Variants in ATR observed in about 807,000 individuals in gnomAD.
ATR encodes the protein ATR checkpoint kinase.
In ATR, 142 loss-of-function variants were observed where a neutral mutation model predicts 305.3. The ratio of observed to expected loss-of-function variants is 0.47; its 90% CI spans 0.41 to 0.53. The LOEUF is 0.53. Ranked by LOEUF, ATR falls within the 20% of genes least tolerant of loss-of-function variation. The pLI is 0.00. For synonymous variants in ATR, 1,050 were observed against 1,068.1 expected (o/e 0.98, Z 0.33); for missense variants, 2,135 against 3,133.1 (o/e 0.68, Z 7.60).
intron 34 of ATR, among the ~76,000 whole-genome samples, chr3:142,495,768 T>TA (rs1213489285): frequency 1.3e-5 from 2 of 151,624 alleles, no homozygotes; most frequent in Non-Finnish European, 2.9e-5. Context: ...AATAAATAAA[T>TA]AAAAATAAAA....
chr3:142,458,637 T>G (rs1274231881), intron 44 of ATR, among the ~76,000 whole-genome samples: 2 of 152,176 alleles, frequency 1.3e-5, no homozygotes, highest in Non-Finnish European at 2.9e-5. Context: ...ATTAAACTAC[T>G]CTGTCTCTCT....
intron 24 of ATR, among the ~76,000 whole-genome samples, chr3:142,518,506 G>A (rs531279414): frequency 1.3e-5 from 2 of 152,306 alleles, no homozygotes; most frequent in South Asian, 4.2e-4. Context: ...AACAGAGTGA[G>A]ACTCTGTCTC....
intron 34 of ATR, 23 bp downstream of exon 34, chr3:142,496,338 G>GTATATATATATACATGTAT (rs2031643516): frequency 1.2e-6 from 1 of 837,022 alleles, no homozygotes; most frequent in African/African-American, 2.6e-5. Flanking sequence ...ATATATATAT[G>GTATATATATATACATGTAT]ATGACATTTC....
intron 46 of ATR, 89 bp downstream of exon 46, chr3:142,453,039 A>G (rs2070827152): frequency 1.3e-6 from 2 of 1,585,230 alleles, no homozygotes; most frequent in African/African-American, 2.7e-5. Flanking sequence ...AGCAGTTCTC[A>G]TGCATAGAGA....
chr3:142,503,314 C>T, intron 30 of ATR, 48 bp downstream of exon 30: 1 of 1,326,758 alleles, frequency 7.5e-7, no homozygotes, highest in East Asian at 2.3e-5. Context: ...ACTAAAAATT[C>T]TCCATTCAGA....
intron 41 of ATR, among the ~76,000 whole-genome samples, chr3:142,463,553 T>C (rs1386317978): frequency 1.3e-5 from 2 of 152,148 alleles, no homozygotes; most frequent in Admixed American, 1.3e-4. Flanking sequence ...TACACCACCA[T>C]GCCTGGCTAA....
At chr3:142,508,303 C>T (rs561180798) in intron 27 of ATR, among the ~76,000 whole-genome samples, 194 bp from the exon 28 acceptor site, 1 of 152,178 alleles carries the variant, frequency 6.6e-6, no homozygotes, top group South Asian at 2.1e-4. Context: ...TATAACTTAC[C>T]TTTCTTTGGA....
At chr3:142,523,880 G>T in intron 22 of ATR, 113 bp downstream of exon 22, 2 of 1,109,702 alleles carry the variant, frequency 1.8e-6, no homozygotes, top group Non-Finnish European at 2.5e-6. Context: ...CTGATTGTCT[G>T]GTTCTAGGTG....
At chr3:142,498,907 G>A (rs1218392061) in intron 31 of ATR, 133 bp from the exon 32 acceptor site, 6 of 856,128 alleles carry the variant, frequency 7.0e-6, no homozygotes, top group African/African-American at 1.7e-5. Flanking sequence ...TTGAGACAGA[G>A]TCTCACTCTG....
rs369361668 is a variant in ATR at position 142,452,280 on chromosome 3, A to G, written c.7761+848T>C. 62 of 992,992 alleles carry G rather than the reference A, an allele frequency of 6.2e-5. No individual in the cohort carries two copies. The South Asian group carries it at 2.5e-3, about 40-fold the overall frequency. The allele number at this position is 992,992 out of a possible 1,614,324, so 61.5% of individuals were successfully genotyped here. A position where few individuals can be genotyped will look rare whatever the true frequency, so the allele number is the denominator to read the frequency against. On this transcript the variant is annotated intron_variant, in intron 46 of 46. Coordinates refer to ENST00000350721, the MANE Select transcript of ATR (RefSeq NM_001184.4). Reference sequence around the variant, plus strand: ...TAATCTTTATTAGCATATAGTTGGTATAATTCATTGTATTTAGTAAGCCTG... The same window carrying G: ...TAATCTTTATTAGCATATAGTTGGTGTAATTCATTGTATTTAGTAAGCCTG...
intron 44 of ATR, 96 bp downstream of exon 44, chr3:142,458,862 T>G (rs2070964301): frequency 2.2e-6 from 3 of 1,367,698 alleles, no homozygotes; most frequent in Non-Finnish European, 3.1e-6. Context: ...ACTGTGAGTA[T>G]AACTGCTACT....
intron 36 of ATR, among the ~76,000 whole-genome samples, chr3:142,479,412 G>A (rs1446565526): frequency 6.6e-6 from 1 of 152,116 alleles, no homozygotes; most frequent in Non-Finnish European, 1.5e-5. Context: ...TTTGAATATT[G>A]GCCCCCACTC....
At chr3:142,529,461 T>A (rs35560272) in intron 21 of ATR, among the ~76,000 whole-genome samples, 1 of 152,206 alleles carries the variant, frequency 6.6e-6, no homozygotes, top group Non-Finnish European at 1.5e-5. Context: ...CATTTACATA[T>A]AATTATCCCA....
chr3:142,513,665 AAC>A, intron 25 of ATR, 27 bp from the exon 26 acceptor site: 1 of 1,609,868 alleles, frequency 6.2e-7, no homozygotes. Context: ...TGTAGACAGT[AAC>A]ACACTTTCAC....
At chr3:142,499,963 CAAATT>C (rs2031869845) in intron 30 of ATR, 3 of 399,812 alleles carry the variant, frequency 7.5e-6, no homozygotes. Context: ...CATTCTTCAA[CAAATT>C]AAAGTGTGCC....
At chr3:142,561,543 T>A (rs917516796) in intron 4 of ATR, 122 bp from the exon 5 acceptor site, 1 of 944,954 alleles carries the variant, frequency 1.1e-6, no homozygotes. Flanking sequence ...TAGAGTCTCA[T>A]AAAGCAAAAT....
rs200127658 is a variant in ATR at position 142,558,779 on chromosome 3, A to G, written c.1733-3T>C. On this transcript the variant is annotated splice_polypyrimidine_tract_variant and splice_region_variant and intron_variant, in intron 7 of 46. Transcript: ENST00000350721. ...ATGATCTTCAAATGAACTGTTTACT[A>G]CAGAAGCACAAAATAAGTCATTAAT... The G allele has an allele frequency of 4.4e-6, 7 of 1,604,114 alleles. No individual in the cohort carries two copies. The highest frequency in any genetic ancestry group is 6.0e-6 in the Non-Finnish European group (7 of 1,172,616).
chr3:142,576,405 G>A (rs1284023593), intron 1 of ATR, among the ~76,000 whole-genome samples: 1 of 152,128 alleles, frequency 6.6e-6, no homozygotes, highest in Non-Finnish European at 1.5e-5. Flanking sequence ...GACATTTAAA[G>A]CCATGAGATT....
Position 142,560,450 on chromosome 3 carries a change from T to C in ATR, c.1354A>G (p.Lys452Glu), listed in dbSNP as rs2108483437. Reference sequence around the variant, plus strand: ...CTCTTTTGGTTCATGTCCACATGTTTAATTCTATAATTATGAATATAGTAG... The same window carrying C: ...CTCTTTTGGTTCATGTCCACATGTTCAATTCTATAATTATGAATATAGTAG... ...KRAPKQTEEI[K>E]HVDMNQKSIL... The change falls in exon 6 of 47, where the codon AAA (lysine) becomes GAA (glutamate). Residue 452 changes from lysine to glutamate, a missense_variant. Physicochemically the swap from Lys to Glu is moderately conservative, Grantham distance 56 (BLOSUM62 1). Around this residue, in one of 9 missense-constraint regions of ATR, gnomAD observed 744 missense variants for 873.2 expected, o/e 0.85. Transcript: ENST00000350721. 1 of 1,604,800 alleles carries C rather than the reference T, an allele frequency of 6.2e-7. No individual in the cohort carries two copies. Among genetic ancestry groups the C allele is most frequent in the South Asian group, 1.1e-5 (1 of 90,846 alleles).
Sources: gnomAD v4.1 joint callset for allele counts (sites outside exome capture counted in the v4.1 genomes callset) on GRCh38, gnomAD v4.1.1 for gene constraint, gnomAD v4.1.1 regional missense constraint, MANE v1.5 for transcripts, NCBI Gene and HGNC (gene_info 2026-07-23, HGNC 2026-07-21) for gene names.